EML6: variants seen among roughly 807,000 people sequenced by gnomAD.
EML6 encodes the protein echinoderm microtubule-associated protein-like 6.
A neutral mutation model predicts 240.1 loss-of-function variants in EML6; 154 were observed. That is an observed-to-expected ratio of 0.64 (90% confidence interval 0.56 to 0.73). EML6 has a LOEUF of 0.73. EML6 is among the 30% of genes least tolerant of loss of function. EML6 has a pLI of 0.00. For synonymous variants in EML6, 1,148 were observed against 899.0 expected, an observed-to-expected ratio of 1.28 and a Z score of -4.95; for missense variants, 2,964 against 2,474.6, an observed-to-expected ratio of 1.20 and a Z score of -4.20.
intron 17 of EML6, among the ~76,000 whole-genome samples, chr2:54,883,468 C>T (rs1259396865): frequency 1.3e-5 from 2 of 152,192 alleles, no homozygotes; most frequent in African/African-American, 4.8e-5. Context: ...AGGACTGGGC[C>T]TCTATGCAAA....
chr2:54,791,878 T>C (rs1669475333), intron 2 of EML6, among the ~76,000 whole-genome samples: 1 of 152,124 alleles, frequency 6.6e-6, no homozygotes, highest in Non-Finnish European at 1.5e-5. Flanking sequence ...ACTGAGAGGG[T>C]GGGATGAGAT....
intron 10 of EML6, 138 bp from the exon 11 acceptor site, chr2:54,853,505 A>G (rs959191261): frequency 1.7e-6 from 1 of 579,212 alleles, no homozygotes; most frequent in African/African-American, 1.9e-5. Flanking sequence ...AAAAGAAAAA[A>G]TCGCAAATGG....
chr2:54,945,084 C>T (rs1038046920), intron 28 of EML6, among the ~76,000 whole-genome samples: 1 of 123,116 alleles, frequency 8.1e-6, no homozygotes, highest in African/African-American at 3.2e-5. Flanking sequence ...TCCCATTCCT[C>T]CCTCTCTCCC....
intron 26 of EML6, among the ~76,000 whole-genome samples, chr2:54,920,136 C>T (rs947562966): frequency 6.6e-6 from 1 of 151,964 alleles, no homozygotes; most frequent in African/African-American, 2.4e-5. Flanking sequence ...GAAGACCAAA[C>T]TAAGCTTCCT....
intron 6 of EML6, among the ~76,000 whole-genome samples, chr2:54,828,845 A>G (rs1572963539): frequency 3.3e-5 from 5 of 152,376 alleles, no homozygotes; most frequent in Admixed American, 2.6e-4. Context: ...ACAAGCGAAC[A>G]CAAGTGCTAT....
chr2:54,919,246 C>T (rs35213851), intron 26 of EML6, among the ~76,000 whole-genome samples: 13 of 136,522 alleles, frequency 9.5e-5, no homozygotes, highest in African/African-American at 2.3e-4. Context: ...TTTGCTTCCC[C>T]CCCCCCCCAA....
chr2:54,852,578 T>C (rs753615724), intron 10 of EML6, among the ~76,000 whole-genome samples: 19 of 152,344 alleles, frequency 1.2e-4, no homozygotes, highest in Middle Eastern at 3.4e-3. Context: ...TTTTCTCTCC[T>C]GAGTTACTTC....
intron 10 of EML6, among the ~76,000 whole-genome samples, chr2:54,852,874 G>C (rs1318644930): frequency 6.6e-6 from 1 of 152,212 alleles, no homozygotes; most frequent in Non-Finnish European, 1.5e-5. Flanking sequence ...CCAAATGTAT[G>C]TATGTTTGCT....
intron 2 of EML6, among the ~76,000 whole-genome samples, chr2:54,808,324 C>A (rs1264376024): frequency 6.6e-6 from 1 of 152,222 alleles, no homozygotes; most frequent in African/African-American, 2.4e-5. Flanking sequence ...CCTTTTCTGC[C>A]TTGCAGATGA....
intron 28 of EML6, among the ~76,000 whole-genome samples, chr2:54,946,496 TAGA>T (rs2104467388): frequency 6.6e-6 from 1 of 152,370 alleles, no homozygotes; most frequent in East Asian, 1.9e-4. Flanking sequence ...AATCTGAATC[TAGA>T]AGGATTTAGA....
chr2:54,913,961 T>G (rs1214840048), intron 25 of EML6, among the ~76,000 whole-genome samples: 1 of 152,236 alleles, frequency 6.6e-6, no homozygotes, highest in Non-Finnish European at 1.5e-5. Flanking sequence ...GAAGATCAGC[T>G]GGCTACAGGT....
At chr2:54,766,424 C>T (rs1003974500) in intron 2 of EML6, among the ~76,000 whole-genome samples, 1 of 151,976 alleles carries the variant, frequency 6.6e-6, no homozygotes, top group Admixed American at 6.5e-5. Context: ...ATAGAATGAC[C>T]GTCAGTTTGG....
chr2:54,967,330 T>C (rs1676792170), intron 39 of EML6: 1 of 315,564 alleles, frequency 3.2e-6, no homozygotes, highest in African/African-American at 2.1e-5. Context: ...GTGTAATTTC[T>C]TCTACAAGTC....
chr2:54,926,449 T>C (rs1220068292), intron 26 of EML6, among the ~76,000 whole-genome samples: 1 of 152,350 alleles, frequency 6.6e-6, no homozygotes, highest in African/African-American at 2.4e-5. Flanking sequence ...CATCACTTGA[T>C]GGATAGAGTT....
intron 28 of EML6, among the ~76,000 whole-genome samples, chr2:54,943,443 A>C (rs973639702): frequency 6.6e-6 from 1 of 152,194 alleles, no homozygotes; most frequent in Admixed American, 6.5e-5. Flanking sequence ...CCTCAGGAAA[A>C]AAAACAGGTC....
chr2:54,920,378 A>G (rs1010155687), intron 26 of EML6, among the ~76,000 whole-genome samples: 1 of 152,208 alleles, frequency 6.6e-6, no homozygotes, highest in African/African-American at 2.4e-5. Flanking sequence ...GACTACTTTG[A>G]GCAATTACAT....
intron 24 of EML6, among the ~76,000 whole-genome samples, chr2:54,909,198 G>A (rs1462763821): frequency 6.6e-5 from 10 of 152,160 alleles, no homozygotes; most frequent in Middle Eastern, 3.2e-3. Flanking sequence ...CTGAATAACC[G>A]TCCACGTGCT....
chr2:54,854,798 C>G (rs1017030027), intron 11 of EML6, among the ~76,000 whole-genome samples: 1 of 152,252 alleles, frequency 6.6e-6, no homozygotes, highest in African/African-American at 2.4e-5. Flanking sequence ...ACAGAATTAT[C>G]TCAACATGCC....
chr2:54,884,322 A>T (rs1270574400), intron 17 of EML6, among the ~76,000 whole-genome samples: 2 of 152,128 alleles, frequency 1.3e-5, no homozygotes, highest in East Asian at 3.9e-4. Flanking sequence ...CCCTCCAGGG[A>T]TCTCCTTGTG....
Sources: gnomAD v4.1 joint callset for allele counts (sites outside exome capture counted in the v4.1 genomes callset) on GRCh38, gnomAD v4.1.1 for gene constraint, MANE v1.5 for transcripts, NCBI Gene and HGNC (gene_info 2026-07-23, HGNC 2026-07-21) for gene names.